Variants in PHYHD1 observed in about 807,000 individuals in gnomAD.
The protein encoded by PHYHD1 is phytanoyl-CoA dioxygenase domain containing 1, also known as phytanoyl-CoA dioxygenase domain-containing protein 1.
A neutral mutation model predicts 43.6 loss-of-function variants in PHYHD1; 42 were observed. The ratio of observed to expected loss-of-function variants is 0.96; its 90% CI spans 0.75 to 1.25. The LOEUF (loss-of-function observed/expected upper bound fraction) is 1.25, where lower values mean the gene tolerates loss of function less well. Ranked by LOEUF, PHYHD1 falls within the 50% of genes most tolerant of loss-of-function variation. The pLI, the probability that PHYHD1 is intolerant of heterozygous loss-of-function variation, is 0.00. For missense variants in PHYHD1, 342 were observed against 370.8 expected, an observed-to-expected ratio of 0.92 and a Z score of 0.64; for synonymous variants, 139 against 143.6, an observed-to-expected ratio of 0.97 and a Z score of 0.23.
At position 128,941,931 on chromosome 9, in the gene PHYHD1, C is replaced by G. The variant is rs1841575215; in HGVS notation, c.*218C>G. ...CTGCCCCAACATAGCCTTGAGGAGG[C>G]TTCTCAGCCACCAAAGGGTTCTGGC... On this transcript the variant is annotated 3_prime_UTR_variant, in exon 13 of 13. Transcript: ENST00000372592. The G allele has an allele frequency of 3.2e-6, 2 of 617,096 alleles. No individual in the cohort carries two copies. The highest frequency in any genetic ancestry group is 2.0e-5 in the South Asian group (1 of 49,920). The allele number at this position is 617,096 out of a possible 1,614,324, so 38.2% of individuals were successfully genotyped here.
intron 9 of PHYHD1, 48 bp downstream of exon 9, chr9:128,937,826 TAAGACAGC>T (rs1564542614): frequency 1.9e-6 from 3 of 1,613,746 alleles, no homozygotes; most frequent in Non-Finnish European, 2.5e-6. Context: ...GTGGGACATC[TAAGACAGC>T]AATGGTTCTC....
intron 9 of PHYHD1, 122 bp downstream of exon 9, chr9:128,937,900 G>A (rs765789908): frequency 8.4e-6 from 13 of 1,555,166 alleles, no homozygotes; most frequent in African/African-American, 1.4e-5. Flanking sequence ...AGCCTGGCCC[G>A]GAGAGGAGGA....
Position 128,939,002 on chromosome 9 carries a change from C to T in PHYHD1, c.457+1224C>T, listed in dbSNP as rs1364512913. The stretch of plus-strand genomic sequence containing the variant: ...AGGGATGACCATCCCCACCCTTAGC[C>T]TGAGTCCAGTTCCCCAAAGGGATGA... On this transcript the variant is annotated intron_variant, in intron 9 of 12. Transcript: ENST00000372592. Among the ~76,000 whole-genome samples, 4 of 131,306 alleles carry T rather than the reference C, an allele frequency of 3.0e-5. 1 individual carries two copies. Among genetic ancestry groups the T allele is most frequent in the Admixed American group, 1.7e-4 (2 of 11,850 alleles). 86.1% of individuals were successfully genotyped at this position (131,306 alleles called of 152,430 possible).
Position 128,936,579 on chromosome 9 carries a change from C to G in PHYHD1, c.373-4C>G. The G allele has an allele frequency of 6.3e-7, 1 of 1,589,974 alleles. No homozygotes were observed. On this transcript the variant is annotated splice_region_variant and splice_polypyrimidine_tract_variant and intron_variant, in intron 7 of 12. Transcript: ENST00000372592. ...CTGGCAGCATGACCTTTGCCCCCCTCCAGACCTTGGCCAGAAGTCTGGGCC... is the reference window on the plus strand; with the variant it reads ...CTGGCAGCATGACCTTTGCCCCCCTGCAGACCTTGGCCAGAAGTCTGGGCC...
At chr9:128,930,840 T>G (rs1841255577) in intron 4 of PHYHD1, among the ~76,000 whole-genome samples, 1 of 149,960 alleles carries the variant, frequency 6.7e-6, no homozygotes, top group African/African-American at 2.5e-5. Context: ...TCCCAGCTAC[T>G]CGGGAGGCTG....
intron 4 of PHYHD1, among the ~76,000 whole-genome samples, chr9:128,932,971 C>T (rs1042652083): frequency 3.3e-5 from 5 of 151,442 alleles, no homozygotes; most frequent in South Asian, 2.1e-4. Flanking sequence ...TCTCAGCCTC[C>T]GGAGTAGCTG....
intron 8 of PHYHD1, among the ~76,000 whole-genome samples, chr9:128,937,261 G>A (rs12555901): frequency 1.3e-4 from 19 of 145,772 alleles, no homozygotes; most frequent in Non-Finnish European, 2.0e-4. Context: ...CAAAAAGGAA[G>A]AAAAAAAAAA....
intron 6 of PHYHD1, 109 bp from the exon 7 acceptor site, chr9:128,936,339 A>T: frequency 1.4e-6 from 2 of 1,454,376 alleles, no homozygotes; most frequent in Non-Finnish European, 1.9e-6. Flanking sequence ...GTTAATGCCT[A>T]CAAAGTAAGT....
chr9:128,923,496 A>G (rs1841056537), intron 3 of PHYHD1, among the ~76,000 whole-genome samples: 2 of 152,260 alleles, frequency 1.3e-5, no homozygotes, highest in South Asian at 4.1e-4. Flanking sequence ...TGTATAGCCA[A>G]TCTTTGAGAG....
At chr9:128,923,060 T>G (rs1437866689) in intron 3 of PHYHD1, among the ~76,000 whole-genome samples, 1 of 150,734 alleles carries the variant, frequency 6.6e-6, no homozygotes, top group African/African-American at 2.4e-5. Flanking sequence ...CTCTCCTACC[T>G]TAGCCTCCCG....
chr9:128,932,178 A>ATTTTTTTTT (rs200138931), intron 4 of PHYHD1, among the ~76,000 whole-genome samples: 1 of 107,892 alleles, frequency 9.3e-6, no homozygotes, highest in Admixed American at 1.0e-4. Flanking sequence ...TGTTATTATT[A>ATTTTTTTTT]TTATTATTTT....
At chr9:128,927,370 C>CT (rs113428118) in intron 4 of PHYHD1, among the ~76,000 whole-genome samples, 174 bp downstream of exon 4, 6,068 of 146,922 alleles carry the variant, frequency 0.041, 388 homozygotes, top group African/African-American at 0.14. Flanking sequence ...CTTTATTGTC[C>CT]TTTTTTTTTT....
intron 3 of PHYHD1, among the ~76,000 whole-genome samples, chr9:128,926,157 A>G (rs79592061): frequency 6.6e-6 from 1 of 152,214 alleles, no homozygotes; most frequent in South Asian, 2.1e-4. Context: ...GGCTGAATAC[A>G]TGAATAAGGT....
At chr9:128,924,650 A>G (rs746854245) in intron 3 of PHYHD1, among the ~76,000 whole-genome samples, 5 of 151,150 alleles carry the variant, frequency 3.3e-5, no homozygotes, top group Non-Finnish European at 5.9e-5. Context: ...GAAAAGAGAA[A>G]AGGGCTGGGT....
rs1481830064 is a variant in PHYHD1, at chr9:128,936,566, C to T, written c.373-17C>T. 1.9e-6 allele frequency: 3 copies of T among 1,598,520 alleles called. No homozygotes were observed. Among genetic ancestry groups the T allele is most frequent in the East Asian group, 2.3e-5 (1 of 44,302 alleles). ...CATGTGTGGCAGGCTGGCAGCATGA[C>T]CTTTGCCCCCCTCCAGACCTTGGCC... On this transcript the variant is annotated splice_polypyrimidine_tract_variant and intron_variant, in intron 7 of 12. Coordinates refer to ENST00000372592, the MANE Select transcript of PHYHD1 (RefSeq NM_001100876.2).
intron 6 of PHYHD1, among the ~76,000 whole-genome samples, chr9:128,934,395 TAAA>T (rs57287662): frequency 1.2e-4 from 15 of 120,622 alleles, no homozygotes; most frequent in Admixed American, 2.6e-4. Flanking sequence ...GAAACCCTGT[TAAA>T]AAAAAAAAAA....
At position 128,937,791 on chromosome 9, in the gene PHYHD1, C is replaced by G; in HGVS notation, c.457+13C>G. On this transcript the variant is annotated intron_variant, in intron 9 of 12. Transcript: ENST00000372592. ...TTTGGCGGTGAAGGTGAGCTGAGAG[C>G]TGTGGGCCCCTGAAAAGGCCATGGG... 6.2e-7 allele frequency: 1 copy of G among 1,614,050 alleles called. No individual in the cohort carries two copies. The highest frequency in any genetic ancestry group is 1.1e-5 in the South Asian group (1 of 91,064).
rs372557079 is a variant in PHYHD1, at chr9:128,941,582, G to T, written c.830+11G>T. On this transcript the variant is annotated intron_variant, in intron 12 of 12. Transcript: ENST00000372592. ...GAGCCCGGAGAACTGGTAGGTGACA[G>T]GGTGGGTGTGTGTGCCCGACAGTCC... 7 of 1,614,062 alleles carry T rather than the reference G, an allele frequency of 4.3e-6. No individual in the cohort carries two copies. In the African/African-American group the frequency reaches 9.3e-5, roughly 22 times the overall value.
intron 11 of PHYHD1, among the ~76,000 whole-genome samples, chr9:128,941,145 T>C (rs1273787266): frequency 6.6e-6 from 1 of 152,194 alleles, no homozygotes; most frequent in Non-Finnish European, 1.5e-5. Context: ...CCCAGTGGAC[T>C]GGCACAGGAC....
Sources: allele counts gnomAD v4.1 joint callset (sites outside exome capture counted in the v4.1 genomes callset), GRCh38; gene constraint gnomAD v4.1.1; transcripts MANE v1.5; gene names NCBI Gene and HGNC (gene_info 2026-07-23, HGNC 2026-07-21).